GPC5: variants seen among roughly 807,000 people sequenced by gnomAD.
GPC5 encodes glypican 5, also known as glypican-5.
A neutral mutation model predicts 53.9 loss-of-function variants in GPC5; 47 were observed. The ratio of observed to expected loss-of-function variants is 0.87; its 90% CI spans 0.69 to 1.11. The LOEUF (loss-of-function observed/expected upper bound fraction) is 1.11, where lower values mean the gene tolerates loss of function less well. Among genes scored for constraint, GPC5 ranks in the 50% most tolerant of loss-of-function variants. The pLI is 0.00. For missense variants in GPC5, 748 were observed against 713.1 expected, an observed-to-expected ratio of 1.05 and a Z score of -0.56; for synonymous variants, 286 against 263.3, an observed-to-expected ratio of 1.09 and a Z score of -0.84.
At chr13:91,399,613 G>T (rs182477296) in intron 1 of GPC5, among the ~76,000 whole-genome samples, 14 of 152,308 alleles carry the variant, frequency 9.2e-5, no homozygotes, top group Admixed American at 5.2e-4. Context: ...GGAGGGAATT[G>T]AATTGATCGC....
intron 7 of GPC5, among the ~76,000 whole-genome samples, chr13:92,316,938 A>G (rs1926630): frequency 0.025 from 3,797 of 152,274 alleles, 170 homozygotes; most frequent in African/African-American, 0.085. Flanking sequence ...AATATATTGT[A>G]TTCTCCATAA....
chr13:91,750,519 G>C (rs970415393), intron 4 of GPC5, among the ~76,000 whole-genome samples: 2 of 152,036 alleles, frequency 1.3e-5, no homozygotes, highest in Non-Finnish European at 2.9e-5. Flanking sequence ...CTTAAATTTA[G>C]AATCTTTCTA....
chr13:91,429,698 G>T (rs1390687816), intron 1 of GPC5, among the ~76,000 whole-genome samples: 1 of 152,210 alleles, frequency 6.6e-6, no homozygotes, highest in Non-Finnish European at 1.5e-5. Flanking sequence ...GTGAGACAGA[G>T]AAAAGGTCAG....
At chr13:92,527,247 AAG>A (rs10549640) in intron 7 of GPC5, among the ~76,000 whole-genome samples, 5,687 of 27,610 alleles carry the variant, frequency 0.21, 804 homozygotes, top group Middle Eastern at 0.3. Context: ...GAAAGAAAGA[AAG>A]AGAAAGAAAG....
intron 7 of GPC5, among the ~76,000 whole-genome samples, chr13:92,336,324 CTA>C (rs2043322671): frequency 6.6e-6 from 1 of 152,058 alleles, no homozygotes; most frequent in Non-Finnish European, 1.5e-5. Context: ...ATTTTTTTGG[CTA>C]TGTCTTTACA....
chr13:91,990,267 G>T (rs141283659), intron 6 of GPC5, among the ~76,000 whole-genome samples: 1 of 152,142 alleles, frequency 6.6e-6, no homozygotes, highest in Non-Finnish European at 1.5e-5. Flanking sequence ...AAAATGTCAG[G>T]AGAGACAATT....
intron 7 of GPC5, chr13:92,241,811 T>C (rs2042613792): frequency 6.6e-6 from 1 of 152,208 alleles, no homozygotes; most frequent in Non-Finnish European, 1.5e-5. Flanking sequence ...AGTTTTAGTA[T>C]ACAATTTCTA....
intron 6 of GPC5, among the ~76,000 whole-genome samples, chr13:91,930,752 A>T (rs1348360842): frequency 6.6e-6 from 1 of 151,862 alleles, no homozygotes; most frequent in East Asian, 1.9e-4. Context: ...TCATTCTTTG[A>T]CTCTTCACCC....
At chr13:91,784,832 T>C (rs541871496) in intron 5 of GPC5, among the ~76,000 whole-genome samples, 2 of 152,290 alleles carry the variant, frequency 1.3e-5, no homozygotes, top group East Asian at 3.9e-4. Context: ...AATTCAAAAG[T>C]TGGCAATAAC....
chr13:92,517,647 C>G (rs915981462), intron 7 of GPC5, among the ~76,000 whole-genome samples: 1 of 152,190 alleles, frequency 6.6e-6, no homozygotes, highest in East Asian at 1.9e-4. Flanking sequence ...AACTAACAAA[C>G]AGAAAGGACA....
At chr13:91,853,915 C>T (rs368653546) in intron 5 of GPC5, among the ~76,000 whole-genome samples, 23 of 152,004 alleles carry the variant, frequency 1.5e-4, no homozygotes, top group African/African-American at 5.1e-4. Context: ...TCAGTGAGAA[C>T]CTTTCAGCCA....
At chr13:92,370,844 T>G (rs1445709546) in intron 7 of GPC5, among the ~76,000 whole-genome samples, 1 of 152,190 alleles carries the variant, frequency 6.6e-6, no homozygotes, top group African/African-American at 2.4e-5. Flanking sequence ...AACACATTTC[T>G]TTTGGTAAAG....
Position 92,441,389 on chromosome 13 carries a change from T to G in GPC5, c.1561+296400T>G, listed in dbSNP as rs187494385. 3.9e-5 allele frequency among the ~76,000 whole-genome samples: 6 copies of G among 152,306 alleles called. No individual in the cohort carries two copies. In the East Asian group the frequency reaches 1.2e-3, roughly 29 times the overall value. ...AATTTTTGTTTTGGTTGCAGTTGCTTTTGAGAGTATCTCTCTTTGCCTATG... is the reference window on the plus strand; with the variant it reads ...AATTTTTGTTTTGGTTGCAGTTGCTGTTGAGAGTATCTCTCTTTGCCTATG... On this transcript the variant is annotated intron_variant, in intron 7 of 7. Transcript: ENST00000377067.
chr13:91,565,160 T>G (rs2031474446), intron 2 of GPC5, among the ~76,000 whole-genome samples: 1 of 152,006 alleles, frequency 6.6e-6, no homozygotes, highest in Non-Finnish European at 1.5e-5. Flanking sequence ...TGGCTAAGTT[T>G]TGTATTTTTA....
intron 7 of GPC5, among the ~76,000 whole-genome samples, chr13:92,485,839 A>C (rs780869182): frequency 1.3e-5 from 2 of 152,168 alleles, no homozygotes; most frequent in African/African-American, 2.4e-5. Flanking sequence ...GGTGGTGGAC[A>C]CCTGTAATGC....
intron 7 of GPC5, among the ~76,000 whole-genome samples, chr13:92,331,658 C>A (rs1926637): frequency 0.4 from 61,064 of 151,314 alleles, 12,434 homozygotes; most frequent in Middle Eastern, 0.51. Flanking sequence ...ATTTTTCTCA[C>A]AAATGATTAA....
intron 6 of GPC5, among the ~76,000 whole-genome samples, chr13:92,112,359 G>A (rs566002123): frequency 1.4e-4 from 22 of 152,186 alleles, no homozygotes; most frequent in African/African-American, 3.6e-4. Flanking sequence ...ATGAGGAATC[G>A]TATAGTAAGG....
In GPC5 at chr13:91,622,547, T is replaced by C. The variant is rs541338056; in HGVS notation, c.326-70640T>C. Among the ~76,000 whole-genome samples the C allele has an allele frequency of 4.9e-3, 743 of 152,270 alleles. 4 individuals carry two copies. The highest frequency in any genetic ancestry group is 0.016 in the African/African-American group (684 of 41,556). Reference sequence around the variant, plus strand: ...GAAGTACTATAAAAAAGTTTACATATGAATTGAAGAAATATTTTCTTAGAA... The same window carrying C: ...GAAGTACTATAAAAAAGTTTACATACGAATTGAAGAAATATTTTCTTAGAA... On this transcript the variant is annotated intron_variant, in intron 2 of 7. Coordinates refer to ENST00000377067, the MANE Select transcript of GPC5 (RefSeq NM_004466.6).
chr13:91,779,127 C>T (rs73609170), intron 5 of GPC5, among the ~76,000 whole-genome samples: 3,843 of 151,788 alleles, frequency 0.025, 157 homozygotes, highest in African/African-American at 0.087. Context: ...CTGTACACTA[C>T]TGTAGATATT....
Sources: gnomAD v4.1 joint callset for allele counts (sites outside exome capture counted in the v4.1 genomes callset) on GRCh38, gnomAD v4.1.1 for gene constraint, MANE v1.5 for transcripts, NCBI Gene and HGNC (gene_info 2026-07-23, HGNC 2026-07-21) for gene names.